Variants in FBXO31 observed in about 807,000 individuals in gnomAD.
FBXO31 encodes F-box only protein 31.
FBXO31 carries 24 observed loss-of-function variants against 54.4 expected under a neutral mutation model. The ratio of observed to expected loss-of-function variants is 0.44; its 90% CI spans 0.32 to 0.62. The LOEUF (loss-of-function observed/expected upper bound fraction) is 0.62. FBXO31 is among the 20% of genes least tolerant of loss of function. The pLI, the probability that FBXO31 is intolerant of heterozygous loss-of-function variation, is 0.05. For missense variants in FBXO31, 665 were observed against 787.1 expected, an observed-to-expected ratio of 0.84 and a Z score of 1.86; for synonymous variants, 388 against 335.6, an observed-to-expected ratio of 1.16 and a Z score of -1.71.
At chr16:87,347,680 C>CAAAAAAAAA (rs34496343) in intron 2 of FBXO31, among the ~76,000 whole-genome samples, 1 of 58,994 alleles carries the variant, frequency 1.7e-5, no homozygotes. Context: ...ACTCAGTCTC[C>CAAAAAAAAA]AAAAAAAAAA....
At chr16:87,344,177 T>C (rs200940780) in intron 3 of FBXO31, among the ~76,000 whole-genome samples, 127 of 152,332 alleles carry the variant, frequency 8.3e-4, no homozygotes, top group African/African-American at 2.8e-3. Flanking sequence ...TGTGCCACTT[T>C]TGTCAGGTGT....
chr16:87,351,092 C>T (rs1334160668), intron 2 of FBXO31, among the ~76,000 whole-genome samples: 1 of 152,216 alleles, frequency 6.6e-6, no homozygotes, highest in Non-Finnish European at 1.5e-5. Context: ...GATGGGCTGC[C>T]AGCGCACAGA....
upstream of FBXO31, chr16:87,388,714 C>A (rs1306153468): frequency 6.6e-6 from 1 of 152,224 alleles, no homozygotes; most frequent in Non-Finnish European, 1.5e-5. Context: ...CCATCACATT[C>A]AATTCTTAGC....
At position 87,331,247 on chromosome 16, in the gene FBXO31, C is replaced by G. The variant is rs532124900; in HGVS notation, c.*41G>C. On this transcript the variant is annotated 3_prime_UTR_variant, in exon 9 of 9. Coordinates refer to ENST00000311635, the MANE Select transcript of FBXO31 (RefSeq NM_024735.5). ...TCTATTCACAGGTCAGAGTTCAGAG[C>G]CCCAGAGCCACCCGGGATGTGGCGG... 6.3e-7 allele frequency: 1 copy of G among 1,593,334 alleles called. No homozygotes were observed. Among genetic ancestry groups the G allele is most frequent in the South Asian group, 1.1e-5 (1 of 90,134 alleles).
At chr16:87,360,903 T>C (rs1044202878) in intron 1 of FBXO31, among the ~76,000 whole-genome samples, 6 of 152,106 alleles carry the variant, frequency 3.9e-5, no homozygotes, top group Non-Finnish European at 5.9e-5. Context: ...CAGGGCCCAG[T>C]GCAGGGCCCT....
intron 2 of FBXO31, among the ~76,000 whole-genome samples, chr16:87,349,663 C>T (rs1246364798): frequency 5.3e-5 from 8 of 151,162 alleles, no homozygotes; most frequent in South Asian, 4.2e-4. Flanking sequence ...TGAGCCGAGA[C>T]CACGCCACTG....
intron 1 of FBXO31, among the ~76,000 whole-genome samples, chr16:87,380,016 A>C (rs1907004436): frequency 6.6e-6 from 1 of 150,408 alleles, no homozygotes; most frequent in Non-Finnish European, 1.5e-5. Flanking sequence ...AAAAAAAAAA[A>C]AGGCCTGCCG....
At chr16:87,378,757 C>T (rs913827526) in intron 1 of FBXO31, among the ~76,000 whole-genome samples, 7 of 152,030 alleles carry the variant, frequency 4.6e-5, no homozygotes, top group African/African-American at 1.4e-4. Context: ...GTCAGGAGAT[C>T]GAGACCAACC....
At chr16:87,376,209 C>G (rs1306677749) in intron 1 of FBXO31, among the ~76,000 whole-genome samples, 1 of 152,118 alleles carries the variant, frequency 6.6e-6, no homozygotes, top group Non-Finnish European at 1.5e-5. Context: ...CAGAGGTTCC[C>G]TTTTTCCCAC....
At chr16:87,331,630 A>T in intron 8 of FBXO31, 120 bp from the exon 9 acceptor site, 2 of 838,832 alleles carry the variant, frequency 2.4e-6, no homozygotes, top group Non-Finnish European at 3.7e-6. Flanking sequence ...TTCATCAGCC[A>T]GAAGCTGACT....
rs1024400615 is a variant in FBXO31 at position 87,346,118 on chromosome 16, G to C, written c.489+1056C>G. 6.6e-6 allele frequency among the ~76,000 whole-genome samples: 1 copy of C among 152,194 alleles called. No homozygotes were observed. The highest frequency in any genetic ancestry group is 2.4e-5 in the African/African-American group (1 of 41,460). On this transcript the variant is annotated intron_variant, in intron 3 of 8. Coordinates refer to ENST00000311635, the MANE Select transcript of FBXO31 (RefSeq NM_024735.5). The surrounding 1 kb of genome is among the most constrained non-coding windows in gnomAD (Gnocchi z 4.2). The stretch of plus-strand genomic sequence containing the variant: ...GGGGATAGAGTCACGGACGGCCTCC[G>C]GCTGGGCCCTACAGAGGGTTGTGTC...
intron 1 of FBXO31, among the ~76,000 whole-genome samples, chr16:87,363,454 G>T (rs1383160315): frequency 6.6e-6 from 1 of 152,164 alleles, no homozygotes; most frequent in Non-Finnish European, 1.5e-5. Flanking sequence ...GGGGCCTCCT[G>T]GGTGACCTGG....
chr16:87,344,814 G>C (rs375385770), intron 3 of FBXO31, among the ~76,000 whole-genome samples: 5 of 152,186 alleles, frequency 3.3e-5, no homozygotes, highest in African/African-American at 9.7e-5. Flanking sequence ...AACGCAGAGC[G>C]GGTTTCTCCA....
chr16:87,386,792 G>T (rs187890243), upstream of FBXO31, among the ~76,000 whole-genome samples: 1 of 152,220 alleles, frequency 6.6e-6, no homozygotes, highest in East Asian at 1.9e-4. Context: ...TGATTGCAGG[G>T]TCATTACTGC....
intron 2 of FBXO31, among the ~76,000 whole-genome samples, 182 bp from the exon 3 acceptor site, chr16:87,347,432 G>A (rs755963354): frequency 1.3e-5 from 2 of 152,132 alleles, no homozygotes; most frequent in Admixed American, 6.6e-5. Flanking sequence ...GGTGGCTCAC[G>A]CCTTTAATCC....
Position 87,346,008 on chromosome 16 carries a change from GA to G in FBXO31, c.489+1165del, listed in dbSNP as rs1483053148. On this transcript the variant is annotated intron_variant, in intron 3 of 8. Coordinates refer to ENST00000311635, the MANE Select transcript of FBXO31 (RefSeq NM_024735.5). The surrounding 1 kb of genome is among the most constrained non-coding windows in gnomAD (Gnocchi z 4.2). ...AGTGAGGGGTGGGAGGTGGAGGAGG[GA>G]AGCAGAGTGGCTGCTGAGAGGAGAA... Among the ~76,000 whole-genome samples the G allele has an allele frequency of 6.6e-6, 1 of 152,062 alleles. No individual in the cohort carries two copies. Among genetic ancestry groups the G allele is most frequent in the East Asian group, 1.9e-4 (1 of 5,176 alleles).
At position 87,336,247 on chromosome 16, in the gene FBXO31, C is replaced by G. The variant is rs777976250; in HGVS notation, c.750G>C (p.Leu250=). The change falls in exon 6 of 9, where the codon CTG becomes CTC. Residue 250 remains leucine (L), a synonymous_variant. Transcript: ENST00000311635. This position sits in a 1 kb window ranked among gnomAD's most constrained non-coding sequence, Gnocchi z 6.5. ...CCAGCGTGCGCCCCCATTCCTCCCT[C>G]AGCCACGTCCGAAACTCCTTCCAAA... The part of the protein sequence containing the change: ...GGRQEEFRTW[L]REEWGRTLED... 3 of 1,614,172 alleles carry G rather than the reference C, an allele frequency of 1.9e-6. No individual in the cohort carries two copies. Among genetic ancestry groups the G allele is most frequent in the Middle Eastern group, 1.6e-4 (1 of 6,062 alleles).
Position 87,342,925 on chromosome 16 carries a change from G to C in FBXO31, c.684C>G (p.Thr228=), listed in dbSNP as rs2150673817. The C allele has an allele frequency of 6.2e-7, 1 of 1,608,472 alleles. No homozygotes were observed. Among genetic ancestry groups the C allele is most frequent in the Non-Finnish European group, 8.5e-7 (1 of 1,177,688 alleles). ...IQIVKKDEFS[T]KCNQTDHHRM... is the part of the protein sequence containing the mutation. The stretch of plus-strand genomic sequence containing the variant: ...TGTGGTGGTCCGTCTGGTTGCACTT[G>C]GTGGAGAACTCATCCTTCTTCACAA... The change falls in exon 5 of 9, where the codon ACC becomes ACG. Residue 228 remains threonine, a synonymous_variant. Coordinates refer to ENST00000311635, the MANE Select transcript of FBXO31 (RefSeq NM_024735.5).
chr16:87,379,928 T>C (rs1490223703), intron 1 of FBXO31, among the ~76,000 whole-genome samples: 2 of 147,900 alleles, frequency 1.4e-5, no homozygotes, highest in African/African-American at 2.5e-5. Flanking sequence ...TGTATTAACA[T>C]GAATAGAACT....
Sources: gnomAD v4.1 joint callset for allele counts (sites outside exome capture counted in the v4.1 genomes callset) on GRCh38, gnomAD v4.1.1 for gene constraint, Gnocchi (gnomAD v3.1) non-coding constraint, MANE v1.5 for transcripts, NCBI Gene and HGNC (gene_info 2026-07-23, HGNC 2026-07-21) for gene names.